The following RNF26 variants were observed in gnomAD, a reference collection of about 807,000 sequenced individuals.
The protein encoded by RNF26 is E3 ubiquitin-protein ligase RNF26.
Under a neutral mutation model 25.4 loss-of-function variants are expected in RNF26, and 8 were observed. The observed-to-expected ratio is 0.31, with a 90% CI of 0.18 to 0.57. RNF26 has a LOEUF of 0.57. RNF26 is among the 20% of genes least tolerant of loss of function. RNF26 has a pLI of 0.90. For synonymous variants in RNF26, 262 were observed against 246.7 expected (o/e 1.06, Z -0.58); for missense variants, 470 against 552.0 (o/e 0.85, Z 1.49).
chr11:119,336,984 C>T lies in RNF26; in HGVS notation c.*560C>T, dbSNP rs1457882821. ...GCCTGTGATCGTCTGATGAGGCTCC[C>T]TCCCAACCTGATCCAAAAGCCAGTC... is the stretch of plus-strand genomic sequence containing the variant. On this transcript the variant is annotated 3_prime_UTR_variant, in exon 1 of 1. Coordinates refer to ENST00000311413, the MANE Select transcript of RNF26 (RefSeq NM_032015.5). 1 of 170,180 alleles carries T rather than the reference C, an allele frequency of 5.9e-6. No homozygotes were observed. Among genetic ancestry groups the T allele is most frequent in the Non-Finnish European group, 1.4e-5 (1 of 70,010 alleles). The allele number at this position is 170,180 out of a possible 1,614,324, so 10.5% of individuals were successfully genotyped here. A position where few individuals can be genotyped will look rare whatever the true frequency, so the allele number is the denominator to read the frequency against.
chr11:119,336,310 G>A lies in RNF26; in HGVS notation c.1188G>A (p.Arg396=). 6.2e-7 allele frequency: 1 copy of A among 1,613,202 alleles called. No individual in the cohort carries two copies. Among genetic ancestry groups the A allele is most frequent in the African/African-American group, 1.3e-5 (1 of 75,052 alleles). The stretch of plus-strand genomic sequence containing the variant: ...AGACAGTGTTGCTCCTGCCCTGCCG[G>A]CATCTGTGCCTGTGCCAGGCCTGCA... The part of the protein sequence containing the change: ...QSKTVLLLPC[R]HLCLCQACTE... The change falls in exon 1 of 1, where the codon CGG becomes CGA. Residue 396 remains arginine (R), a synonymous_variant. Transcript: ENST00000311413.
chr11:119,334,845 T>G lies in RNF26; in HGVS notation c.-278T>G. ...CAAAGCTGAGGTCGCTCCTACGGCC[T>G]GGGCTCGCCTTCGCTTTAGAGATGT... On this transcript the variant is annotated 5_prime_UTR_variant, in exon 1 of 1. Coordinates refer to ENST00000311413, the MANE Select transcript of RNF26 (RefSeq NM_032015.5). 2.0e-6 allele frequency: 1 copy of G among 503,184 alleles called. No individual in the cohort carries two copies. The highest frequency in any genetic ancestry group is 3.6e-6 in the Non-Finnish European group (1 of 280,590). 31.2% of individuals were successfully genotyped at this position (503,184 alleles called of 1,614,324 possible).
In RNF26 at chr11:119,336,941, G is replaced by T; in HGVS notation, c.*517G>T. On this transcript the variant is annotated 3_prime_UTR_variant, in exon 1 of 1. Transcript: ENST00000311413. The stretch of plus-strand genomic sequence containing the variant: ...GCGTTGGGGTTAGTATCTCTCGGGT[G>T]CCCTCAGAGCCACCTCTGCCTGTGA... 1 of 173,732 alleles carries T rather than the reference G, an allele frequency of 5.8e-6. No homozygotes were observed. Among genetic ancestry groups the T allele is most frequent in the Non-Finnish European group, 1.4e-5 (1 of 71,658 alleles). The allele number at this position is 173,732 out of a possible 1,614,324, so 10.8% of individuals were successfully genotyped here.
rs754623788 is a variant in RNF26 at position 119,335,678 on chromosome 11, G to A, written c.556G>A (p.Ala186Thr). 1 of 1,614,122 alleles carries A rather than the reference G, an allele frequency of 6.2e-7. No homozygotes were observed. The highest frequency in any genetic ancestry group is 1.3e-5 in the African/African-American group (1 of 75,068). ...GTGGAGGATGACGGACGTAGTGGCT[G>A]CCTTCCTAGCCCACATTTCCAGCAG... ...PLWRMTDVVA[A>T]FLAHISSSAV... Residue 186 changes from alanine to threonine, a missense_variant, in exon 1 of 1, where the codon GCC becomes ACC. Physicochemically the swap from Ala to Thr is moderately conservative, Grantham distance 58. Coordinates refer to ENST00000311413, the MANE Select transcript of RNF26 (RefSeq NM_032015.5).
Position 119,336,713 on chromosome 11 carries a change from C to T in RNF26, c.*289C>T, listed in dbSNP as rs905740867. 2.1e-6 allele frequency: 1 copy of T among 475,408 alleles called. No individual in the cohort carries two copies. The highest frequency in any genetic ancestry group is 1.9e-5 in the African/African-American group (1 of 51,712). The allele number at this position is 475,408 out of a possible 1,614,324, so 29.4% of individuals were successfully genotyped here. On this transcript the variant is annotated 3_prime_UTR_variant, in exon 1 of 1. Transcript: ENST00000311413. Reference sequence around the variant, plus strand: ...GCTCTCCTCCAGCCTGCCCAGGGCCCACCCAGATGCCTCTGGGGTTACCCC... The same window carrying T: ...GCTCTCCTCCAGCCTGCCCAGGGCCTACCCAGATGCCTCTGGGGTTACCCC...
chr11:119,336,130 G>A lies in RNF26; in HGVS notation c.1008G>A (p.Glu336=). 6.2e-7 allele frequency: 1 copy of A among 1,614,200 alleles called. No homozygotes were observed. Among genetic ancestry groups the A allele is most frequent in the Non-Finnish European group, 8.5e-7 (1 of 1,180,046 alleles). The change falls in exon 1 of 1, where the codon GAG becomes GAA. Residue 336 remains glutamate, a synonymous_variant. Transcript: ENST00000311413. ...TTCCTGAAGCGGGGCGCAGATCAGA[G>A]GCAGAAGAGGAGGAGGCCAGGACCA... The part of the protein sequence containing the change: ...DTLPEAGRRS[E]AEEEEARTIR...
In RNF26 at chr11:119,335,699, A is replaced by G. The variant is rs1220903875; in HGVS notation, c.577A>G (p.Ser193Gly). 3.1e-6 allele frequency: 5 copies of G among 1,614,066 alleles called. No individual in the cohort carries two copies. The highest frequency in any genetic ancestry group is 4.2e-6 in the Non-Finnish European group (5 of 1,180,018). The part of the protein sequence containing the change: ...VVAAFLAHIS[S>G]SAVAMAILLW... ...GGCTGCCTTCCTAGCCCACATTTCC[A>G]GCAGTGCTGTGGCCATGGCCATCCT... The change falls in exon 1 of 1, where the codon AGC becomes GGC. Residue 193 changes from serine (S) to glycine (G), a missense_variant. By Grantham distance (56) the Ser-to-Gly change is moderately conservative. Transcript: ENST00000311413.
Position 119,336,230 on chromosome 11 carries a change from T to C in RNF26, c.1108T>C (p.Leu370=), listed in dbSNP as rs1230749368. 4 of 1,613,940 alleles carry C rather than the reference T, an allele frequency of 2.5e-6. No individual in the cohort carries two copies. The highest frequency in any genetic ancestry group is 2.2e-5 in the East Asian group (1 of 44,882). Residue 370 remains leucine (L), a synonymous_variant, in exon 1 of 1, where the codon TTG becomes CTG. Transcript: ENST00000311413. ...TCCAGGTGGGCAAGACCCTTGGAAA[T>C]TGCTGAAGGAGCAAGAGGAGCGGAA... ...EPPGGQDPWK[L]LKEQEERKKC...
rs1950430931 is a variant in RNF26 at position 119,334,979 on chromosome 11, C to T, written c.-144C>T. The stretch of plus-strand genomic sequence containing the variant: ...TCCACTTCCGTCTTACCCACTTCTT[C>T]CTCAGATTCTTGGTACCCCCTGGGT... On this transcript the variant is annotated 5_prime_UTR_variant, in exon 1 of 1. Transcript: ENST00000311413. 1 of 643,420 alleles carries T rather than the reference C, an allele frequency of 1.6e-6. No homozygotes were observed. The highest frequency in any genetic ancestry group is 1.9e-5 in the South Asian group (1 of 51,326). The allele number at this position is 643,420 out of a possible 1,614,324, so 39.9% of individuals were successfully genotyped here. A position where few individuals can be genotyped will look rare whatever the true frequency, so the allele number is the denominator to read the frequency against.
At position 119,336,708 on chromosome 11, in the gene RNF26, G is replaced by A; in HGVS notation, c.*284G>A. ...TGTGGGCTCTCCTCCAGCCTGCCCA[G>A]GGCCCACCCAGATGCCTCTGGGGTT... On this transcript the variant is annotated 3_prime_UTR_variant, in exon 1 of 1. Coordinates refer to ENST00000311413, the MANE Select transcript of RNF26 (RefSeq NM_032015.5). 1 of 486,376 alleles carries A rather than the reference G, an allele frequency of 2.1e-6. No individual in the cohort carries two copies. The highest frequency in any genetic ancestry group is 3.8e-6 in the Non-Finnish European group (1 of 263,986). The allele number at this position is 486,376 out of a possible 1,614,324, so 30.1% of individuals were successfully genotyped here.
Position 119,335,329 on chromosome 11 carries a change from C to G in RNF26, c.207C>G (p.Ile69Met). 1 of 1,614,188 alleles carries G rather than the reference C, an allele frequency of 6.2e-7. No individual in the cohort carries two copies. The highest frequency in any genetic ancestry group is 8.5e-7 in the Non-Finnish European group (1 of 1,180,038). Reference protein sequence around the residue: ...RGVLLSLLALIEAVVRFTCGG... With the variant: ...RGVLLSLLALMEAVVRFTCGG... ...TCTTGCTTTCATTGCTGGCCTTGAT[C>G]GAAGCCGTGGTCCGGTTCACATGTG... The change falls in exon 1 of 1, where the codon ATC becomes ATG. Residue 69 changes from isoleucine (I) to methionine (M), a missense_variant. Ile to Met is a conservative substitution (Grantham distance 10, BLOSUM62 1). Coordinates refer to ENST00000311413, the MANE Select transcript of RNF26 (RefSeq NM_032015.5).
At position 119,334,936 on chromosome 11, in the gene RNF26, C is replaced by A; in HGVS notation, c.-187C>A. On this transcript the variant is annotated 5_prime_UTR_variant, in exon 1 of 1. Coordinates refer to ENST00000311413, the MANE Select transcript of RNF26 (RefSeq NM_032015.5). The stretch of plus-strand genomic sequence containing the variant: ...GACTCTTGGACTGGCACCTGGCCAC[C>A]TTTCCCTCTACCAAGACTCCACTTC... 2 of 599,720 alleles carry A rather than the reference C, an allele frequency of 3.3e-6. No individual in the cohort carries two copies. The highest frequency in any genetic ancestry group is 4.1e-5 in the South Asian group (2 of 48,880). The allele number at this position is 599,720 out of a possible 1,614,324, so 37.1% of individuals were successfully genotyped here.
In RNF26 at chr11:119,336,406, C is replaced by T; in HGVS notation, c.1284C>T (p.Thr428=). 1.2e-6 allele frequency: 2 copies of T among 1,610,184 alleles called. No individual in the cohort carries two copies. The highest frequency in any genetic ancestry group is 1.7e-6 in the Non-Finnish European group (2 of 1,179,244). ...TCTGCCGCCGGGGCATCCTGCAGAC[C>T]CTCAATGTCTACCTCTGAAGCCTCC... The part of the protein sequence containing the change: ...CPLCRRGILQ[T]LNVYL The change falls in exon 1 of 1, where the codon ACC becomes ACT. Residue 428 remains threonine (T), a synonymous_variant. Coordinates refer to ENST00000311413, the MANE Select transcript of RNF26 (RefSeq NM_032015.5).
At position 119,335,868 on chromosome 11, in the gene RNF26, T is replaced by G. The variant is rs1565288933; in HGVS notation, c.746T>G (p.Phe249Cys). The G allele has an allele frequency of 6.2e-7, 1 of 1,609,888 alleles. No individual in the cohort carries two copies. Among genetic ancestry groups the G allele is most frequent in the Admixed American group, 1.7e-5 (1 of 60,030 alleles). Reference sequence around the variant, plus strand: ...ACGGTGACTGTGTTGCATCCGGACTTCACCCTGAGGCTGGCTACCCAGGCA... The same window carrying G: ...ACGGTGACTGTGTTGCATCCGGACTGCACCCTGAGGCTGGCTACCCAGGCA... ...AVTVTVLHPD[F>C]TLRLATQALS... The change falls in exon 1 of 1, where the codon TTC becomes TGC. Residue 249 changes from phenylalanine to cysteine, a missense_variant. Coordinates refer to ENST00000311413, the MANE Select transcript of RNF26 (RefSeq NM_032015.5).
rs755518635 is a variant in RNF26, at chr11:119,336,061, C to T, written c.939C>T (p.Asp313=). The change falls in exon 1 of 1, where the codon GAC becomes GAT. Residue 313 remains aspartate, a synonymous_variant. Transcript: ENST00000311413. ...GGGCACCTGGAGCTCCCCAGGGTGA[C>T]CCTATGAGGGTATTCTCAGTTAGGA... ...RGGAPGAPQG[D]PMRVFSVRTR... is the part of the protein sequence containing the mutation. The T allele has an allele frequency of 6.2e-7, 1 of 1,613,980 alleles. No individual in the cohort carries two copies. The highest frequency in any genetic ancestry group is 2.2e-5 in the East Asian group (1 of 44,886).
At position 119,336,168 on chromosome 11, in the gene RNF26, C is replaced by G. The variant is rs1051360581; in HGVS notation, c.1046C>G (p.Pro349Arg). ...EEEARTIRVT[P>R]VRGRERLNEE... Reference sequence around the variant, plus strand: ...GAGGCCAGGACCATCAGAGTGACACCTGTCAGGGGCCGAGAGAGGCTCAAT... The same window carrying G: ...GAGGCCAGGACCATCAGAGTGACACGTGTCAGGGGCCGAGAGAGGCTCAAT... Residue 349 changes from proline to arginine, a missense_variant, in exon 1 of 1, where the codon CCT (proline) becomes CGT (arginine). Transcript: ENST00000311413. 1.2e-6 allele frequency: 2 copies of G among 1,614,154 alleles called. No individual in the cohort carries two copies. The highest frequency in any genetic ancestry group is 1.1e-5 in the South Asian group (1 of 91,090).
Position 119,335,388 on chromosome 11 carries a change from G to A in RNF26, c.266G>A (p.Ser89Asn). 1 of 1,614,190 alleles carries A rather than the reference G, an allele frequency of 6.2e-7. No individual in the cohort carries two copies. Among genetic ancestry groups the A allele is most frequent in the Non-Finnish European group, 8.5e-7 (1 of 1,180,036 alleles). ...CAGGCCTTGTGTACTCTGCTGTATA[G>A]CTGCTGCTCTGGCCTAGAGAGCCTA... ...GLQALCTLLYSCCSGLESLKL... is the reference protein window; with the variant it reads ...GLQALCTLLYNCCSGLESLKL... Residue 89 changes from serine (S) to asparagine (N), a missense_variant, in exon 1 of 1, where the codon AGC becomes AAC. By Grantham distance (46) the Ser-to-Asn change is conservative. Coordinates refer to ENST00000311413, the MANE Select transcript of RNF26 (RefSeq NM_032015.5).
In RNF26 at chr11:119,336,394, C is replaced by A. The variant is rs762288972; in HGVS notation, c.1272C>A (p.Gly424=). Residue 424 remains glycine (G), a synonymous_variant, in exon 1 of 1, where the codon GGC becomes GGA. Coordinates refer to ENST00000311413, the MANE Select transcript of RNF26 (RefSeq NM_032015.5). ...GCAATTGCCCGCTCTGCCGCCGGGG[C>A]ATCCTGCAGACCCTCAATGTCTACC... ...YHRNCPLCRR[G]ILQTLNVYL is the part of the protein sequence containing the mutation. 4 of 1,610,956 alleles carry A rather than the reference C, an allele frequency of 2.5e-6. No individual in the cohort carries two copies. The highest frequency in any genetic ancestry group is 3.3e-4 in the Middle Eastern group (2 of 6,056).
rs1950431036 is a variant in RNF26, at chr11:119,334,991, G to C, written c.-132G>C. The stretch of plus-strand genomic sequence containing the variant: ...TTACCCACTTCTTCCTCAGATTCTT[G>C]GTACCCCCTGGGTTGGAGACTGCTC... On this transcript the variant is annotated 5_prime_UTR_variant, in exon 1 of 1. Transcript: ENST00000311413. The C allele has an allele frequency of 3.6e-5, 24 of 669,746 alleles. No homozygotes were observed. In the South Asian group the frequency reaches 4.2e-4, roughly 12 times the overall value. The allele number at this position is 669,746 out of a possible 1,614,324, so 41.5% of individuals were successfully genotyped here.
Sources: gnomAD v4.1 joint callset for allele counts on GRCh38, gnomAD v4.1.1 for gene constraint, MANE v1.5 for transcripts, NCBI Gene and HGNC (gene_info 2026-07-23, HGNC 2026-07-21) for gene names.